The following MYRIP variants were observed in gnomAD, a reference collection of about 807,000 sequenced individuals.
MYRIP encodes myosin VIIA and Rab interacting protein, also known as rab effector MyRIP.
MYRIP carries 49 observed loss-of-function variants against 98.0 expected under a neutral mutation model. The ratio of observed to expected loss-of-function variants is 0.50; its 90% CI spans 0.40 to 0.63. The LOEUF is 0.63. Ranked by LOEUF, MYRIP falls within the 30% of genes least tolerant of loss-of-function variation. The pLI is 0.00. For missense variants in MYRIP, 1,004 were observed against 1,058.2 expected (o/e 0.95, Z 0.71); for synonymous variants, 404 against 409.5 (o/e 0.99, Z 0.16).
At chr3:40,033,573 A>G (rs1947309001) in intron 2 of MYRIP, among the ~76,000 whole-genome samples, 1 of 152,228 alleles carries the variant, frequency 6.6e-6, no homozygotes, top group Non-Finnish European at 1.5e-5. Flanking sequence ...ATAAAAGAGG[A>G]TACAAAGAAA....
At chr3:40,209,742 AC>A (rs1185242338) in intron 10 of MYRIP, 111 bp from the exon 11 acceptor site, 2 of 1,400,658 alleles carry the variant, frequency 1.4e-6, no homozygotes, top group East Asian at 4.6e-5. Flanking sequence ...GAAAGCTGTT[AC>A]TTTCCTAGAC....
chr3:40,249,282 C>G (rs1347864905), intron 13 of MYRIP, among the ~76,000 whole-genome samples: 1 of 152,212 alleles, frequency 6.6e-6, no homozygotes, highest in African/African-American at 2.4e-5. Flanking sequence ...TCCCTTGACT[C>G]TGCTAGCCTT....
intron 11 of MYRIP, among the ~76,000 whole-genome samples, chr3:40,225,414 T>A (rs1444933000): frequency 6.6e-6 from 1 of 152,198 alleles, no homozygotes; most frequent in Non-Finnish European, 1.5e-5. Flanking sequence ...GAGGACTCCC[T>A]GTCGTTAGAC....
intron 3 of MYRIP, among the ~76,000 whole-genome samples, chr3:40,123,481 C>CA (rs1248283525): frequency 2.0e-5 from 3 of 152,204 alleles, no homozygotes; most frequent in Non-Finnish European, 4.4e-5. Context: ...GTGGCCTCCC[C>CA]ATGTGGCCTC....
chr3:40,192,708 A>T (rs919921555), intron 10 of MYRIP, among the ~76,000 whole-genome samples: 6 of 152,154 alleles, frequency 3.9e-5, no homozygotes, highest in Admixed American at 1.3e-4. Context: ...AATGACCACA[A>T]CCAAGGAGGA....
At chr3:39,886,803 A>G (rs1943316535) in intron 1 of MYRIP, among the ~76,000 whole-genome samples, 1 of 151,972 alleles carries the variant, frequency 6.6e-6, no homozygotes, top group South Asian at 2.1e-4. Context: ...CAACAAGGAT[A>G]CCCAGGAATT....
chr3:40,252,080 C>T (rs112956345), intron 16 of MYRIP, 81 bp downstream of exon 16: 3 of 1,088,674 alleles, frequency 2.8e-6, no homozygotes, highest in South Asian at 1.4e-5. Flanking sequence ...TTCTGTAGCT[C>T]CCGCATCAGA....
chr3:40,130,359 T>C (rs568318555), intron 3 of MYRIP, among the ~76,000 whole-genome samples: 75 of 152,176 alleles, frequency 4.9e-4, no homozygotes, highest in Middle Eastern at 3.4e-3. Flanking sequence ...GTCATAAATC[T>C]ATATTTCTAG....
intron 3 of MYRIP, among the ~76,000 whole-genome samples, chr3:40,085,028 ATG>A (rs1473024345): frequency 4.0e-5 from 6 of 151,182 alleles, no homozygotes; most frequent in Non-Finnish European, 7.4e-5. Flanking sequence ...ATATATATCT[ATG>A]TGTTATATAT....
intron 1 of MYRIP, among the ~76,000 whole-genome samples, chr3:39,822,269 C>T (rs1941123383): frequency 6.6e-6 from 1 of 152,110 alleles, no homozygotes; most frequent in Non-Finnish European, 1.5e-5. Context: ...GGGTAATTTG[C>T]ATGTCCATCA....
chr3:40,002,680 T>C (rs75526579), intron 2 of MYRIP, among the ~76,000 whole-genome samples: 2,344 of 152,194 alleles, frequency 0.015, 50 homozygotes, highest in African/African-American at 0.052. Context: ...GCCCGAGGTA[T>C]GTTTAAGGAT....
intron 1 of MYRIP, among the ~76,000 whole-genome samples, chr3:39,876,828 GCT>G (rs1300284630): frequency 6.6e-6 from 1 of 152,014 alleles, no homozygotes; most frequent in Non-Finnish European, 1.5e-5. Context: ...TCTTGGAGTT[GCT>G]CTTCTCGAGG....
At chr3:40,152,333 C>T (rs971841986) in intron 4 of MYRIP, among the ~76,000 whole-genome samples, 18 of 152,154 alleles carry the variant, frequency 1.2e-4, no homozygotes, top group African/African-American at 3.1e-4. Context: ...TGTACATCCT[C>T]GGGTATGCTG....
intron 2 of MYRIP, among the ~76,000 whole-genome samples, chr3:39,957,489 T>TA (rs1325427305): frequency 6.6e-6 from 1 of 152,152 alleles, no homozygotes; most frequent in Non-Finnish European, 1.5e-5. Flanking sequence ...CCCTTCATGC[T>TA]AAAAACTCTC....
chr3:39,955,235 C>G (rs1945125976), intron 2 of MYRIP, among the ~76,000 whole-genome samples: 1 of 152,038 alleles, frequency 6.6e-6, no homozygotes, highest in Non-Finnish European at 1.5e-5. Context: ...TCAGATTCAC[C>G]AAACTTGAAA....
intron 1 of MYRIP, among the ~76,000 whole-genome samples, chr3:39,824,934 T>G (rs1026538278): frequency 2.6e-5 from 4 of 152,136 alleles, no homozygotes; most frequent in African/African-American, 9.7e-5. Context: ...CCCAGGCTAG[T>G]CTCAAACTCC....
intron 2 of MYRIP, among the ~76,000 whole-genome samples, chr3:39,903,894 A>G (rs1037409548): frequency 2.0e-5 from 3 of 152,218 alleles, no homozygotes; most frequent in African/African-American, 7.2e-5. Context: ...ATTCCTTAGT[A>G]TCATCTAATG....
At chr3:40,081,134 A>AT (rs1948470746) in intron 3 of MYRIP, among the ~76,000 whole-genome samples, 2 of 152,134 alleles carry the variant, frequency 1.3e-5, no homozygotes, top group African/African-American at 4.8e-5. Flanking sequence ...TCTGAAATGT[A>AT]TTTAGACTTA....
At chr3:39,948,554 A>G (rs897983898) in intron 2 of MYRIP, among the ~76,000 whole-genome samples, 2 of 152,164 alleles carry the variant, frequency 1.3e-5, no homozygotes, top group African/African-American at 2.4e-5. Flanking sequence ...CATATTACAT[A>G]GCAGATTAAA....
Sources: allele counts gnomAD v4.1 joint callset (sites outside exome capture counted in the v4.1 genomes callset), GRCh38; gene constraint gnomAD v4.1.1; transcripts MANE v1.5; gene names NCBI Gene and HGNC (gene_info 2026-07-23, HGNC 2026-07-21).